Variants in CSGALNACT1 observed in about 807,000 individuals in gnomAD.
CSGALNACT1 encodes beta4GalNAcT-1.
Under a neutral mutation model 51.0 loss-of-function variants are expected in CSGALNACT1, and 52 were observed. That is an observed-to-expected ratio of 1.02 (90% CI 0.82 to 1.29). CSGALNACT1 has a LOEUF of 1.29. CSGALNACT1 is among the 50% of genes most tolerant of loss of function. CSGALNACT1 has a pLI of 0.00. For missense variants in CSGALNACT1, 935 were observed against 679.2 expected, an observed-to-expected ratio of 1.38 and a Z score of -4.19; for synonymous variants, 341 against 254.4, an observed-to-expected ratio of 1.34 and a Z score of -3.24.
chr8:19,569,841 T>C (rs183652823), intron 3 of CSGALNACT1, among the ~76,000 whole-genome samples: 63 of 152,324 alleles, frequency 4.1e-4, no homozygotes, highest in Admixed American at 1.2e-3. Context: ...GGATAAATTA[T>C]ACTATATTCA....
intron 1 of CSGALNACT1, among the ~76,000 whole-genome samples, chr8:19,746,082 T>C (rs540043763): frequency 6.6e-6 from 1 of 152,172 alleles, no homozygotes; most frequent in Non-Finnish European, 1.5e-5. Context: ...ATAACACAAA[T>C]GGAAGTTTCT....
chr8:19,556,950 C>T (rs2039589261), intron 3 of CSGALNACT1, among the ~76,000 whole-genome samples: 1 of 144,082 alleles, frequency 6.9e-6, no homozygotes, highest in Non-Finnish European at 1.5e-5. Context: ...CACACCACTG[C>T]AGATGAGAAG....
intron 4 of CSGALNACT1, among the ~76,000 whole-genome samples, chr8:19,503,928 G>T (rs1306579507): frequency 6.6e-6 from 1 of 152,118 alleles, no homozygotes; most frequent in Non-Finnish European, 1.5e-5. Flanking sequence ...AGAAGAAAGT[G>T]TCCAAAGAAC....
At chr8:19,734,749 C>A (rs976856872) in intron 1 of CSGALNACT1, among the ~76,000 whole-genome samples, 1 of 151,882 alleles carries the variant, frequency 6.6e-6, no homozygotes, top group Non-Finnish European at 1.5e-5. Context: ...TATGGCAGAC[C>A]GGATAGCTGA....
chr8:19,428,520 C>A (rs2059133942), intron 6 of CSGALNACT1, among the ~76,000 whole-genome samples: 1 of 152,140 alleles, frequency 6.6e-6, no homozygotes, highest in Non-Finnish European at 1.5e-5. Context: ...AGGTCCCTCC[C>A]ACAACACGTG....
chr8:19,518,718 C>A (rs1326729218), intron 3 of CSGALNACT1, among the ~76,000 whole-genome samples: 1 of 152,172 alleles, frequency 6.6e-6, no homozygotes, highest in Non-Finnish European at 1.5e-5. Context: ...CGAGGAACCC[C>A]AGGGTATATA....
intron 4 of CSGALNACT1, among the ~76,000 whole-genome samples, chr8:19,470,193 A>G (rs1491000385): frequency 6.6e-6 from 1 of 152,138 alleles, no homozygotes; most frequent in Non-Finnish European, 1.5e-5. Context: ...AGTTCCCACA[A>G]TGGGGATGGA....
chr8:19,669,232 C>G (rs1459033301), intron 1 of CSGALNACT1, among the ~76,000 whole-genome samples: 3 of 152,162 alleles, frequency 2.0e-5, no homozygotes, highest in African/African-American at 7.2e-5. Context: ...ACTAGTCTAA[C>G]CCAGCAGACA....
intron 6 of CSGALNACT1, among the ~76,000 whole-genome samples, chr8:19,438,430 T>C (rs2060753474): frequency 6.6e-6 from 1 of 152,246 alleles, no homozygotes; most frequent in African/African-American, 2.4e-5. Context: ...ACATTTGTAA[T>C]GTACTGGAGT....
At chr8:19,505,464 A>C in exon 4 of CSGALNACT1, 1 of 1,614,198 alleles carries the variant, frequency 6.2e-7, no homozygotes, top group South Asian at 1.1e-5. Flanking sequence ...CTGCGAGTGC[A>C]GGAAGGCCAG....
At chr8:19,440,519 C>G (rs1473703684) in intron 5 of CSGALNACT1, among the ~76,000 whole-genome samples, 72 of 151,730 alleles carry the variant, frequency 4.7e-4, no homozygotes, top group Non-Finnish European at 6.6e-4. Context: ...ATTCAACAAC[C>G]CTTCATGCTA....
At chr8:19,518,032 A>G (rs1381696268) in intron 3 of CSGALNACT1, among the ~76,000 whole-genome samples, 2 of 152,186 alleles carry the variant, frequency 1.3e-5, no homozygotes, top group African/African-American at 4.8e-5. Context: ...GCACCTGGAG[A>G]GATCAGGGTC....
chr8:19,505,513 G>T (rs2077156699), exon 4 of CSGALNACT1: 1 of 1,613,996 alleles, frequency 6.2e-7, no homozygotes. Context: ...CTCCTGTCCA[G>T]ACCCAGGCCA....
At chr8:19,487,850 AAC>A (rs1412645519) in intron 4 of CSGALNACT1, among the ~76,000 whole-genome samples, 1 of 152,172 alleles carries the variant, frequency 6.6e-6, no homozygotes, top group Non-Finnish European at 1.5e-5. Context: ...TTAGAATGGA[AAC>A]ACAGCAGCCC....
chr8:19,693,011 C>T (rs1249466900), intron 1 of CSGALNACT1, among the ~76,000 whole-genome samples: 1 of 152,192 alleles, frequency 6.6e-6, no homozygotes, highest in Admixed American at 6.5e-5. Context: ...ATGCCATCAG[C>T]CCCCATCAGC....
intron 5 of CSGALNACT1, among the ~76,000 whole-genome samples, chr8:19,445,941 G>A (rs1480438538): frequency 5.3e-5 from 8 of 152,178 alleles, no homozygotes; most frequent in South Asian, 2.1e-4. Context: ...TTGAGAGGCC[G>A]AGGCAGGAGG....
intron 3 of CSGALNACT1, among the ~76,000 whole-genome samples, chr8:19,521,931 G>A (rs1469548637): frequency 6.6e-6 from 1 of 152,214 alleles, no homozygotes; most frequent in African/African-American, 2.4e-5. Flanking sequence ...GACTTCATGT[G>A]TCCATTTGTT....
intron 2 of CSGALNACT1, among the ~76,000 whole-genome samples, chr8:19,593,307 TG>T (rs1292473172): frequency 6.6e-6 from 1 of 152,202 alleles, no homozygotes; most frequent in Admixed American, 6.5e-5. Flanking sequence ...TGAAAAGAAC[TG>T]AAGATACCAA....
chr8:19,526,056 T>G (rs1236458401), intron 3 of CSGALNACT1, among the ~76,000 whole-genome samples: 1 of 152,174 alleles, frequency 6.6e-6, no homozygotes, highest in African/African-American at 2.4e-5. Context: ...CGTAATTATT[T>G]TCAAATAAAA....
Sources: gnomAD v4.1 joint callset for allele counts (sites outside exome capture counted in the v4.1 genomes callset) on GRCh38, gnomAD v4.1.1 for gene constraint, MANE v1.5 for transcripts, NCBI Gene and HGNC (gene_info 2026-07-23, HGNC 2026-07-21) for gene names.